The following GAB4 variants were observed in gnomAD, a reference collection of about 807,000 sequenced individuals.
The protein encoded by GAB4 is GRB2-associated-binding protein 4.
In GAB4, 26 loss-of-function variants were observed where a neutral mutation model predicts 51.3. That is an observed-to-expected ratio of 0.51 (90% CI 0.37 to 0.70). The LOEUF (loss-of-function observed/expected upper bound fraction) is 0.70, where lower values mean the gene tolerates loss of function less well. GAB4 is among the 30% of genes least tolerant of loss of function. The probability of loss-of-function intolerance (pLI) is 0.00; values close to 1 mark genes in which losing one functional copy is unlikely to be tolerated. For missense variants in GAB4, 759 were observed against 734.6 expected, an observed-to-expected ratio of 1.03 and a Z score of -0.38; for synonymous variants, 329 against 291.2, an observed-to-expected ratio of 1.13 and a Z score of -1.32.
rs146407244 is a variant in GAB4, at chr22:16,986,514, G to A, written c.686+1446C>T. Among the ~76,000 whole-genome samples, 101 of 152,318 alleles carry A rather than the reference G, an allele frequency of 6.6e-4. No homozygotes were observed. The East Asian group carries it at 0.011, about 17-fold the overall frequency. On this transcript the variant is annotated intron_variant, in intron 3 of 9. Transcript: ENST00000400588. ...CCACCTTACACCCATCAGCCTTTGA[G>A]TTAGTCGTTTCCATTCTGAAGATAA...
chr22:16,980,728 T>C (rs8141635), intron 3 of GAB4, among the ~76,000 whole-genome samples: 489 of 152,280 alleles, frequency 3.2e-3, no homozygotes, highest in African/African-American at 0.011. Context: ...TGCAGCACTA[T>C]TCACAATAGC....
At chr22:16,994,338 A>G (rs943905142) in intron 1 of GAB4, among the ~76,000 whole-genome samples, 1 of 152,230 alleles carries the variant, frequency 6.6e-6, no homozygotes, top group African/African-American at 2.4e-5. Flanking sequence ...TTGGATTGAA[A>G]AAGATTGAAG....
At position 17,007,989 on chromosome 22, in the gene GAB4, G is replaced by C. The variant is rs772268387; in HGVS notation, c.126C>G (p.Tyr42Ter). 1 of 1,612,666 alleles carries C rather than the reference G, an allele frequency of 6.2e-7. No individual in the cohort carries two copies. Residue 42 changes from tyrosine (Y) to a stop codon, truncating the protein, a stop_gained, in exon 1 of 10, where the codon TAC becomes TAG. Transcript: ENST00000400588. LOFTEE classifies it high-confidence loss of function. The part of the protein sequence containing the change: ...GGSTRSGHVL[Y>*]SGWLRKSPPE... ...GGGGCGACTTCCTCAGCCAGCCGCT[G>C]TACAGCACGTGGCCACTTCTCGTGC...
intron 1 of GAB4, among the ~76,000 whole-genome samples, chr22:16,993,475 C>T (rs911892037): frequency 5.9e-5 from 9 of 152,214 alleles, no homozygotes; most frequent in Non-Finnish European, 1.2e-4. Context: ...TTTTCCCACT[C>T]ACCTTTTACC....
At chr22:16,982,587 C>A (rs952714060) in intron 3 of GAB4, among the ~76,000 whole-genome samples, 4 of 152,170 alleles carry the variant, frequency 2.6e-5, no homozygotes, top group Non-Finnish European at 5.9e-5. Flanking sequence ...GTCCACACCA[C>A]CTAATCTGCA....
chr22:17,007,476 G>C (rs1057356446), intron 1 of GAB4, among the ~76,000 whole-genome samples: 5 of 150,508 alleles, frequency 3.3e-5, no homozygotes, highest in African/African-American at 1.2e-4. Context: ...GAGGGAAAGG[G>C]AGAGGGTGTG....
At chr22:16,989,742 G>A (rs1474118279) in intron 2 of GAB4, among the ~76,000 whole-genome samples, 1 of 152,226 alleles carries the variant, frequency 6.6e-6, no homozygotes, top group African/African-American at 2.4e-5. Context: ...AAGCTCTGCT[G>A]AGCCTCTGCT....
chr22:16,967,291 TGC>T (rs2060684955), intron 5 of GAB4: 1 of 153,128 alleles, frequency 6.5e-6, no homozygotes, highest in African/African-American at 2.4e-5. Context: ...CCATGCACCA[TGC>T]AGATGTGGCT....
At chr22:16,970,295 T>C (rs11704401) in intron 3 of GAB4, 102 bp from the exon 4 acceptor site, 37,203 of 1,305,496 alleles carry the variant, frequency 0.028, 675 homozygotes, top group Middle Eastern at 0.053. Context: ...TGAGATGATA[T>C]GGAGAAAACA....
At chr22:17,000,539 C>T (rs1040347892) in intron 1 of GAB4, among the ~76,000 whole-genome samples, 28 of 152,060 alleles carry the variant, frequency 1.8e-4, no homozygotes, top group Non-Finnish European at 3.7e-4. Flanking sequence ...TGTCTCTGCA[C>T]GTGAGATGGG....
At chr22:16,991,437 T>G (rs1033673120) in intron 2 of GAB4, among the ~76,000 whole-genome samples, 15 of 152,212 alleles carry the variant, frequency 9.9e-5, no homozygotes, top group Admixed American at 3.3e-4. Context: ...TACTCTTTTG[T>G]GAAGGTTATT....
chr22:16,991,346 C>T (rs1388608566), intron 2 of GAB4, among the ~76,000 whole-genome samples: 1 of 151,542 alleles, frequency 6.6e-6, no homozygotes, highest in African/African-American at 2.4e-5. Flanking sequence ...GCTCCTCAAC[C>T]TTACTGGTGA....
chr22:16,971,033 CAAA>C (rs559151212), intron 3 of GAB4, among the ~76,000 whole-genome samples: 3,336 of 126,094 alleles, frequency 0.026, 56 homozygotes, highest in Middle Eastern at 0.077. Context: ...CTGTCTCTTC[CAAA>C]AAAAAAAAAA....
At chr22:16,966,053 G>A (rs766561947) in intron 6 of GAB4, 47 bp downstream of exon 6, 2 of 1,576,696 alleles carry the variant, frequency 1.3e-6, no homozygotes, top group South Asian at 1.1e-5. Flanking sequence ...CTAAGCGAAT[G>A]CAGAGTCCCT....
At position 16,968,408 on chromosome 22, in the gene GAB4, A is replaced by C. The variant is rs758300187; in HGVS notation, c.938-25T>G. On this transcript the variant is annotated intron_variant, in intron 4 of 9. Transcript: ENST00000400588. ...GCTACGACAGAGGAAGGAGATCCAC[A>C]TGCATCACAGCTGATCCATGTGTTG... The C allele has an allele frequency of 5.1e-6, 8 of 1,560,154 alleles. No homozygotes were observed. In the Admixed American group the frequency reaches 1.2e-4, roughly 23 times the overall value.
intron 3 of GAB4, among the ~76,000 whole-genome samples, chr22:16,976,134 C>T (rs1260915053): frequency 6.6e-6 from 1 of 152,216 alleles, no homozygotes; most frequent in Non-Finnish European, 1.5e-5. Context: ...GATCACAACT[C>T]CTCACCAGAA....
intron 3 of GAB4, among the ~76,000 whole-genome samples, chr22:16,981,121 C>T (rs754635727): frequency 2.2e-4 from 33 of 151,294 alleles, no homozygotes; most frequent in Non-Finnish European, 3.8e-4. Context: ...CAAACCTGCA[C>T]GTTCTGCACA....
chr22:16,962,414 G>A lies in GAB4; in HGVS notation c.*319C>T, dbSNP rs2060636490. The stretch of plus-strand genomic sequence containing the variant: ...GTAGCTCCTCATGTTCCAGGATTGA[G>A]GGAAACAGCCCAGAGGCTAGAAGGA... On this transcript the variant is annotated 3_prime_UTR_variant, in exon 10 of 10. Coordinates refer to ENST00000400588, the MANE Select transcript of GAB4 (RefSeq NM_001037814.1). 1 of 216,862 alleles carries A rather than the reference G, an allele frequency of 4.6e-6. No homozygotes were observed. The highest frequency in any genetic ancestry group is 1.8e-4 in the South Asian group (1 of 5,664). 13.4% of individuals were successfully genotyped at this position (216,862 alleles called of 1,614,324 possible).
At chr22:16,963,623 GCAGCCCAGCAGCCCAGT>G in intron 9 of GAB4, 85 bp downstream of exon 9, 1 of 772,412 alleles carries the variant, frequency 1.3e-6, no homozygotes, top group Non-Finnish European at 2.2e-6. Context: ...GCTGGGAGTG[GCAGCCCAGCAGCCCAGT>G]GCTGCCGGTG....
Sources: gnomAD v4.1 joint callset for allele counts (sites outside exome capture counted in the v4.1 genomes callset) on GRCh38, gnomAD v4.1.1 for gene constraint, MANE v1.5 for transcripts, NCBI Gene and HGNC (gene_info 2026-07-23, HGNC 2026-07-21) for gene names.